Variants in TMEM132D observed in about 807,000 individuals in gnomAD.
TMEM132D encodes the protein transmembrane protein 132D.
A neutral mutation model predicts 62.3 loss-of-function variants in TMEM132D; 21 were observed. The ratio of observed to expected loss-of-function variants is 0.34; its 90% CI spans 0.24 to 0.49. The LOEUF is 0.49. Among genes scored for constraint, TMEM132D ranks in the 20% least tolerant of loss-of-function variants. The probability of loss-of-function intolerance (pLI) is 0.99; values close to 1 mark genes in which losing one functional copy is unlikely to be tolerated. For missense variants in TMEM132D, 1,346 were observed against 1,402.8 expected, an observed-to-expected ratio of 0.96 and a Z score of 0.65; for synonymous variants, 621 against 575.6, an observed-to-expected ratio of 1.08 and a Z score of -1.13.
chr12:129,092,691 T>A (rs1168949107), intron 5 of TMEM132D, among the ~76,000 whole-genome samples: 1 of 152,164 alleles, frequency 6.6e-6, no homozygotes, highest in Admixed American at 6.5e-5. Flanking sequence ...AGCGAAACTA[T>A]GTCTCAAAAA....
chr12:129,374,682 A>G (rs1870731538), intron 3 of TMEM132D, among the ~76,000 whole-genome samples: 1 of 152,202 alleles, frequency 6.6e-6, no homozygotes, highest in South Asian at 2.1e-4. Context: ...CTTGACAGCC[A>G]CAGCATGAGG....
intron 4 of TMEM132D, among the ~76,000 whole-genome samples, chr12:129,238,032 G>A (rs1419483393): frequency 1.3e-5 from 2 of 152,084 alleles, no homozygotes; most frequent in African/African-American, 4.8e-5. Flanking sequence ...CATCTCAGAC[G>A]AGTTTGTCAC....
At chr12:129,530,157 T>A (rs938323483) in intron 3 of TMEM132D, among the ~76,000 whole-genome samples, 1 of 152,162 alleles carries the variant, frequency 6.6e-6, no homozygotes, top group Non-Finnish European at 1.5e-5. Flanking sequence ...AAATGCTCCT[T>A]GATCATAAGC....
chr12:129,739,241 GAAC>G (rs1308325981), intron 1 of TMEM132D, among the ~76,000 whole-genome samples: 1 of 152,132 alleles, frequency 6.6e-6, no homozygotes. Flanking sequence ...CAGCCTTTCA[GAAC>G]AAGAATCGCT....
At chr12:129,353,886 C>G (rs1869951986) in intron 3 of TMEM132D, among the ~76,000 whole-genome samples, 1 of 152,018 alleles carries the variant, frequency 6.6e-6, no homozygotes. Flanking sequence ...TTGGAGGCAT[C>G]TCTCGGAGGT....
intron 3 of TMEM132D, 44 bp downstream of exon 3, chr12:129,531,015 A>C: frequency 6.8e-7 from 1 of 1,462,550 alleles, no homozygotes; most frequent in South Asian, 1.4e-5. Context: ...ATCAGGCCAC[A>C]TTTGCAGCTG....
chr12:129,794,796 T>G (rs1871513065), intron 1 of TMEM132D, among the ~76,000 whole-genome samples: 1 of 152,224 alleles, frequency 6.6e-6, no homozygotes, highest in Non-Finnish European at 1.5e-5. Context: ...ATGATTATTG[T>G]GGCTCTGCTG....
At chr12:129,342,803 T>C (rs913836523) in intron 3 of TMEM132D, among the ~76,000 whole-genome samples, 44 of 152,258 alleles carry the variant, frequency 2.9e-4, no homozygotes, top group African/African-American at 8.9e-4. Context: ...GACATTTATG[T>C]AGCCAAAAAA....
At chr12:129,479,426 A>G (rs552784641) in intron 3 of TMEM132D, among the ~76,000 whole-genome samples, 3 of 152,118 alleles carry the variant, frequency 2.0e-5, no homozygotes, top group African/African-American at 7.2e-5. Context: ...GGTGGGGGGA[A>G]TCCTGGCTGC....
chr12:129,495,729 T>C (rs1874931969), intron 3 of TMEM132D, among the ~76,000 whole-genome samples: 1 of 152,092 alleles, frequency 6.6e-6, no homozygotes, highest in Admixed American at 6.5e-5. Context: ...GCCGAAGGCT[T>C]TGACGGGGTG....
At chr12:129,154,008 T>G (rs1272470036) in intron 5 of TMEM132D, among the ~76,000 whole-genome samples, 2 of 152,222 alleles carry the variant, frequency 1.3e-5, no homozygotes, top group Non-Finnish European at 2.9e-5. Flanking sequence ...TCCTGGTTCC[T>G]CTTTCATTTT....
chr12:129,344,527 TA>T (rs1370379863), intron 3 of TMEM132D, among the ~76,000 whole-genome samples: 2 of 152,142 alleles, frequency 1.3e-5, no homozygotes, highest in Non-Finnish European at 2.9e-5. Flanking sequence ...AACCTCTTAA[TA>T]AAAGGCAAGG....
At chr12:129,525,087 A>G (rs1198497030) in intron 3 of TMEM132D, among the ~76,000 whole-genome samples, 6 of 149,372 alleles carry the variant, frequency 4.0e-5, no homozygotes, top group East Asian at 2.0e-4. Context: ...CACCACACTC[A>G]GCTAATTTAT....
chr12:129,086,225 T>C (rs537660750), intron 5 of TMEM132D, among the ~76,000 whole-genome samples: 69 of 152,256 alleles, frequency 4.5e-4, no homozygotes, highest in African/African-American at 1.6e-3. Context: ...TGTGTGTGTG[T>C]GTGTGTTGTG....
chr12:129,228,495 C>T (rs1030711669), intron 4 of TMEM132D, among the ~76,000 whole-genome samples: 1 of 152,146 alleles, frequency 6.6e-6, no homozygotes, highest in Admixed American at 6.5e-5. Flanking sequence ...AATCCTATGT[C>T]CTTAGCTACT....
intron 1 of TMEM132D, among the ~76,000 whole-genome samples, chr12:129,886,525 C>T (rs1874754152): frequency 6.6e-6 from 1 of 152,150 alleles, no homozygotes; most frequent in African/African-American, 2.4e-5. Flanking sequence ...TGCATCGCCC[C>T]TCCATTCATA....
At chr12:129,343,631 G>T (rs1018203581) in intron 3 of TMEM132D, among the ~76,000 whole-genome samples, 4 of 152,048 alleles carry the variant, frequency 2.6e-5, no homozygotes, top group African/African-American at 9.7e-5. Flanking sequence ...TAATAATGTT[G>T]CCGGGCGTGG....
At chr12:129,790,090 C>T (rs1871360162) in intron 1 of TMEM132D, among the ~76,000 whole-genome samples, 1 of 152,180 alleles carries the variant, frequency 6.6e-6, no homozygotes, top group Non-Finnish European at 1.5e-5. Flanking sequence ...CACTGTGTTC[C>T]ACCCTTTGCA....
chr12:129,107,743 G>A (rs908184834), intron 5 of TMEM132D, among the ~76,000 whole-genome samples: 1 of 152,162 alleles, frequency 6.6e-6, no homozygotes, highest in African/African-American at 2.4e-5. Context: ...CTGAAGTGCA[G>A]TGGCACAATC....
Sources: gnomAD v4.1 joint callset for allele counts (sites outside exome capture counted in the v4.1 genomes callset) on GRCh38, gnomAD v4.1.1 for gene constraint, MANE v1.5 for transcripts, NCBI Gene and HGNC (gene_info 2026-07-23, HGNC 2026-07-21) for gene names.